Variants in SLIT3 observed in about 807,000 individuals in gnomAD.
SLIT3 encodes slit guidance ligand 3, also known as slit homolog 3 protein.
In SLIT3, 68 loss-of-function variants were observed where a neutral mutation model predicts 184.0. The observed-to-expected ratio is 0.37, with a 90% CI of 0.30 to 0.45. SLIT3 has a LOEUF of 0.45. Ranked by LOEUF, SLIT3 falls within the 20% of genes least tolerant of loss-of-function variation. The pLI is 1.00. For synonymous variants in SLIT3, 831 were observed against 828.6 expected (o/e 1.00, Z -0.05); for missense variants, 1,707 against 2,026.0 (o/e 0.84, Z 3.02).
chr5:169,218,894 C>T (rs1025077255), intron 3 of SLIT3, among the ~76,000 whole-genome samples: 1 of 152,156 alleles, frequency 6.6e-6, no homozygotes, highest in East Asian at 1.9e-4. Flanking sequence ...ATGAGGTTGC[C>T]ACCAACCCAG....
intron 8 of SLIT3, among the ~76,000 whole-genome samples, chr5:168,815,244 C>T (rs1252975336): frequency 6.6e-6 from 1 of 152,174 alleles, no homozygotes; most frequent in Non-Finnish European, 1.5e-5. Context: ...AAGAGTGAGG[C>T]ATTCAGATTT....
At chr5:168,945,125 C>T (rs904735128) in intron 4 of SLIT3, among the ~76,000 whole-genome samples, 1 of 152,156 alleles carries the variant, frequency 6.6e-6, no homozygotes, top group African/African-American at 2.4e-5. Flanking sequence ...TAGCTCATGC[C>T]CCACAAAGTC....
At chr5:169,142,890 G>C (rs1304156092) in intron 4 of SLIT3, among the ~76,000 whole-genome samples, 1 of 152,222 alleles carries the variant, frequency 6.6e-6, no homozygotes, top group African/African-American at 2.4e-5. Flanking sequence ...TCAAATTGGA[G>C]CTGGAAGAGA....
chr5:169,052,915 C>T (rs938826341), intron 4 of SLIT3, among the ~76,000 whole-genome samples: 4 of 152,058 alleles, frequency 2.6e-5, no homozygotes, highest in Admixed American at 6.5e-5. Flanking sequence ...GCAGATGTTG[C>T]AGAGAACCAC....
chr5:169,231,573 A>G (rs916510898), intron 3 of SLIT3, among the ~76,000 whole-genome samples: 3 of 152,182 alleles, frequency 2.0e-5, no homozygotes, highest in African/African-American at 7.2e-5. Context: ...AGTCAATTCC[A>G]TTACATGAAT....
chr5:169,090,300 C>T (rs781102763), intron 4 of SLIT3, among the ~76,000 whole-genome samples: 38 of 152,174 alleles, frequency 2.5e-4, no homozygotes, highest in Non-Finnish European at 4.4e-4. Context: ...TGATACTCTG[C>T]TTCTCCCTCC....
intron 1 of SLIT3, among the ~76,000 whole-genome samples, chr5:169,292,264 T>C (rs1767382146): frequency 6.6e-6 from 1 of 152,172 alleles, no homozygotes; most frequent in African/African-American, 2.4e-5. Flanking sequence ...ATAACACACA[T>C]ATACATACAC....
chr5:169,151,834 G>T (rs1411193843), intron 4 of SLIT3, among the ~76,000 whole-genome samples: 3 of 152,174 alleles, frequency 2.0e-5, no homozygotes, highest in African/African-American at 7.2e-5. Context: ...ACTGGTGAAG[G>T]CTTTGGAGAT....
At chr5:168,747,001 G>GGT (rs1400867695) in intron 20 of SLIT3, among the ~76,000 whole-genome samples, 3 of 143,270 alleles carry the variant, frequency 2.1e-5, no homozygotes, top group African/African-American at 7.8e-5. Context: ...TGTGGTGTGT[G>GGT]GTGTGGTGGT....
At chr5:168,800,489 A>G (rs559045936) in intron 9 of SLIT3, among the ~76,000 whole-genome samples, 141 of 152,314 alleles carry the variant, frequency 9.3e-4, no homozygotes, top group African/African-American at 3.2e-3. Flanking sequence ...TGGGAGGCTG[A>G]GATAGGAGAA....
At chr5:168,703,944 CAAAAAAAA>C (rs70976498) in intron 26 of SLIT3, among the ~76,000 whole-genome samples, 156 of 46,842 alleles carry the variant, frequency 3.3e-3, no homozygotes, top group Admixed American at 4.6e-3. Context: ...ACTCTGTCTC[CAAAAAAAA>C]AAAAAAAAAA....
chr5:168,676,831 T>TACAGAC (rs2113197035), intron 32 of SLIT3, among the ~76,000 whole-genome samples: 1 of 152,120 alleles, frequency 6.6e-6, no homozygotes, highest in East Asian at 1.9e-4. Context: ...GTTTTCCCAT[T>TACAGAC]ACAGACACAC....
At chr5:168,680,647 G>A (rs1033794607) in intron 32 of SLIT3, among the ~76,000 whole-genome samples, 3 of 152,082 alleles carry the variant, frequency 2.0e-5, no homozygotes, top group Non-Finnish European at 4.4e-5. Context: ...ATTTTTTGTG[G>A]TTGGACTGGC....
chr5:168,907,993 G>A (rs1248086972), intron 4 of SLIT3, among the ~76,000 whole-genome samples: 1 of 142,278 alleles, frequency 7.0e-6, no homozygotes, highest in Non-Finnish European at 1.5e-5. Context: ...GAGAGAGAGA[G>A]AGAGAGAGAG....
intron 32 of SLIT3, among the ~76,000 whole-genome samples, chr5:168,679,635 C>A (rs1316026569): frequency 6.6e-6 from 1 of 152,118 alleles, no homozygotes; most frequent in Non-Finnish European, 1.5e-5. Flanking sequence ...GTCGTGACCA[C>A]TAGGTGGCGA....
chr5:168,765,180 C>T (rs1755299851), intron 14 of SLIT3, among the ~76,000 whole-genome samples: 1 of 152,202 alleles, frequency 6.6e-6, no homozygotes, highest in Admixed American at 6.5e-5. Context: ...TGGGCTGTGG[C>T]TGGGGACAGC....
At chr5:169,186,585 A>C (rs1363128) in intron 4 of SLIT3, among the ~76,000 whole-genome samples, 268 of 152,304 alleles carry the variant, frequency 1.8e-3, no homozygotes, top group Non-Finnish European at 3.0e-3. Context: ...GGTGGAATTC[A>C]AACCCAGGTC....
chr5:168,745,556 C>T (rs1427625551), intron 20 of SLIT3, among the ~76,000 whole-genome samples: 3 of 152,070 alleles, frequency 2.0e-5, no homozygotes, highest in South Asian at 2.1e-4. Flanking sequence ...GAATCACAGG[C>T]GTATGCCACC....
chr5:169,149,576 C>T (rs367575338), intron 4 of SLIT3, among the ~76,000 whole-genome samples: 95 of 152,252 alleles, frequency 6.2e-4, no homozygotes, highest in African/African-American at 2.2e-3. Flanking sequence ...GAAAAGGGGC[C>T]ACCGTTTACC....
Sources: gnomAD v4.1 joint callset for allele counts (sites outside exome capture counted in the v4.1 genomes callset) on GRCh38, gnomAD v4.1.1 for gene constraint, MANE v1.5 for transcripts, NCBI Gene and HGNC (gene_info 2026-07-23, HGNC 2026-07-21) for gene names.